HECW1: variants seen among roughly 807,000 people sequenced by gnomAD.
HECW1 encodes the protein HECT, C2 and WW domain containing E3 ubiquitin protein ligase 1, also known as E3 ubiquitin-protein ligase HECW1.
Under a neutral mutation model 182.3 loss-of-function variants are expected in HECW1, and 61 were observed. The ratio of observed to expected loss-of-function variants is 0.33; its 90% CI spans 0.27 to 0.41. The LOEUF (loss-of-function observed/expected upper bound fraction) is 0.41, where lower values mean the gene tolerates loss of function less well. Ranked by LOEUF, HECW1 falls within the 10% of genes least tolerant of loss-of-function variation. The probability of loss-of-function intolerance (pLI) is 1.00; values close to 1 mark genes in which losing one functional copy is unlikely to be tolerated. For missense variants in HECW1, 1,739 were observed against 2,108.9 expected, an observed-to-expected ratio of 0.82 and a Z score of 3.44; for synonymous variants, 859 against 832.6, an observed-to-expected ratio of 1.03 and a Z score of -0.55.
Position 43,192,513 on chromosome 7 carries a change from G to A in HECW1, c.-31-51362G>A, listed in dbSNP as rs180748326. Among the ~76,000 whole-genome samples the A allele has an allele frequency of 8.3e-3, 1,260 of 151,332 alleles. 21 individuals carry two copies. The highest frequency in any genetic ancestry group is 0.029 in the African/African-American group (1,190 of 41,194). ...TGTATCAATAAAAATGACTAAATACGTAAAGATAAACTTCATAAAAAGAAA... is the reference window on the plus strand; with the variant it reads ...TGTATCAATAAAAATGACTAAATACATAAAGATAAACTTCATAAAAAGAAA... On this transcript the variant is annotated intron_variant, in intron 2 of 29. Coordinates refer to ENST00000395891, the MANE Select transcript of HECW1 (RefSeq NM_015052.5).
chr7:43,507,010 C>A (rs950907930), intron 21 of HECW1, 127 bp from the exon 22 acceptor site: 1 of 1,136,466 alleles, frequency 8.8e-7, no homozygotes, highest in Non-Finnish European at 1.2e-6. Flanking sequence ...GTGGAAGTTG[C>A]GGTAAGCCGA....
intron 5 of HECW1, among the ~76,000 whole-genome samples, chr7:43,336,785 C>T (rs752887509): frequency 1.3e-5 from 2 of 152,200 alleles, no homozygotes; most frequent in Non-Finnish European, 2.9e-5. Flanking sequence ...CTCACTTATA[C>T]ATTAAAGCAT....
intron 6 of HECW1, among the ~76,000 whole-genome samples, chr7:43,369,858 G>C (rs1292675760): frequency 6.6e-6 from 1 of 152,194 alleles, no homozygotes; most frequent in Non-Finnish European, 1.5e-5. Context: ...CGAAATGGAT[G>C]AGTTCACAGG....
At chr7:43,309,595 A>T (rs1808245481) in intron 3 of HECW1, among the ~76,000 whole-genome samples, 1 of 152,174 alleles carries the variant, frequency 6.6e-6, no homozygotes, top group Non-Finnish European at 1.5e-5. Flanking sequence ...AAAAATCTTT[A>T]TCTTAGGCTC....
At chr7:43,385,338 C>T (rs1394771939) in intron 6 of HECW1, among the ~76,000 whole-genome samples, 1 of 141,468 alleles carries the variant, frequency 7.1e-6, no homozygotes, top group Admixed American at 7.2e-5. Context: ...GGGTTTGTGT[C>T]AGTGTCACTC....
chr7:43,255,544 C>T (rs1038781579), intron 3 of HECW1, among the ~76,000 whole-genome samples: 1 of 150,890 alleles, frequency 6.6e-6, no homozygotes, highest in African/African-American at 2.5e-5. Context: ...TTGCAGTGAG[C>T]CAAGATCGCA....
At chr7:43,250,616 C>T (rs975385265) in intron 3 of HECW1, among the ~76,000 whole-genome samples, 21 of 152,178 alleles carry the variant, frequency 1.4e-4, no homozygotes, top group Admixed American at 6.5e-5. Flanking sequence ...CCTGCCCTGC[C>T]TTGTACTTCC....
intron 5 of HECW1, among the ~76,000 whole-genome samples, chr7:43,343,627 T>C (rs1813305422): frequency 6.6e-6 from 1 of 151,826 alleles, no homozygotes; most frequent in South Asian, 2.1e-4. Context: ...TAGTATTCCA[T>C]GGTGTATATG....
At position 43,149,454 on chromosome 7, in the gene HECW1, G is replaced by A. The variant is rs188393895; in HGVS notation, c.-32+35063G>A. 5.3e-5 allele frequency among the ~76,000 whole-genome samples: 8 copies of A among 152,318 alleles called. No homozygotes were observed. In the East Asian group the frequency reaches 1.3e-3, roughly 26 times the overall value. ...ACATCCTGAGAGACAAGGAAAGGCT[G>A]AGGAATTCTCATGGATTAGAGGAGA... is the stretch of plus-strand genomic sequence containing the variant. On this transcript the variant is annotated intron_variant, in intron 2 of 29. Coordinates refer to ENST00000395891, the MANE Select transcript of HECW1 (RefSeq NM_015052.5).
chr7:43,145,805 CT>C (rs1788645427), intron 2 of HECW1, among the ~76,000 whole-genome samples: 1 of 152,158 alleles, frequency 6.6e-6, no homozygotes, highest in Non-Finnish European at 1.5e-5. Context: ...ACCCAACCCT[CT>C]GTATCTTCTG....
chr7:43,127,459 G>T (rs1034308734), intron 2 of HECW1, among the ~76,000 whole-genome samples: 1 of 147,318 alleles, frequency 6.8e-6, no homozygotes, highest in African/African-American at 2.5e-5. Flanking sequence ...GGAGGCAGAG[G>T]TTGCGGTAAG....
intron 9 of HECW1, chr7:43,440,075 G>A (rs1450815543): frequency 7.3e-6 from 1 of 137,376 alleles, no homozygotes; most frequent in Non-Finnish European, 1.7e-5. Flanking sequence ...CTCCGGAGGT[G>A]TCCCACCGTG....
At chr7:43,155,413 A>C (rs561978629) in intron 2 of HECW1, among the ~76,000 whole-genome samples, 5 of 152,210 alleles carry the variant, frequency 3.3e-5, no homozygotes, top group Non-Finnish European at 7.3e-5. Flanking sequence ...ATAACTCTTC[A>C]AAGATATTTT....
intron 6 of HECW1, among the ~76,000 whole-genome samples, chr7:43,385,434 A>G (rs1267857216): frequency 6.6e-6 from 1 of 150,782 alleles, no homozygotes; most frequent in African/African-American, 2.4e-5. Flanking sequence ...TTGAGTATAC[A>G]CTGGACTCAC....
At chr7:43,276,979 T>G (rs1019805226) in intron 3 of HECW1, among the ~76,000 whole-genome samples, 23 of 152,224 alleles carry the variant, frequency 1.5e-4, no homozygotes, top group Admixed American at 8.5e-4. Context: ...CAGAAATGTG[T>G]TGGATCTTCT....
intron 24 of HECW1, among the ~76,000 whole-genome samples, chr7:43,530,402 G>T (rs1218681937): frequency 3.3e-5 from 5 of 151,848 alleles, no homozygotes; most frequent in Non-Finnish European, 5.9e-5. Flanking sequence ...TATCACATCA[G>T]TAAGGTATAC....
intron 3 of HECW1, among the ~76,000 whole-genome samples, chr7:43,305,622 TG>T (rs961194719): frequency 3.3e-5 from 5 of 151,814 alleles, no homozygotes; most frequent in Non-Finnish European, 7.4e-5. Flanking sequence ...GTTTGTTGTT[TG>T]GGGGGGACAG....
chr7:43,226,917 C>T (rs1052293216), intron 2 of HECW1, among the ~76,000 whole-genome samples: 1 of 152,222 alleles, frequency 6.6e-6, no homozygotes, highest in Non-Finnish European at 1.5e-5. Context: ...CATCTCCAGC[C>T]GTCCAAAATC....
At chr7:43,138,399 C>T (rs537123252) in intron 2 of HECW1, among the ~76,000 whole-genome samples, 2 of 152,276 alleles carry the variant, frequency 1.3e-5, no homozygotes, top group African/African-American at 2.4e-5. Flanking sequence ...TCCTAAAGCA[C>T]AGATTGCTCC....
Sources: allele counts gnomAD v4.1 joint callset (sites outside exome capture counted in the v4.1 genomes callset), GRCh38; gene constraint gnomAD v4.1.1; transcripts MANE v1.5; gene names NCBI Gene and HGNC (gene_info 2026-07-23, HGNC 2026-07-21).